MAN1C1: variants seen among roughly 807,000 people sequenced by gnomAD.
MAN1C1 encodes the protein mannosidase alpha class 1C member 1.
A neutral mutation model predicts 71.5 loss-of-function variants in MAN1C1; 49 were observed. That is an observed-to-expected ratio of 0.69 (90% CI 0.54 to 0.87). MAN1C1 has a LOEUF of 0.87. MAN1C1 is among the 40% of genes least tolerant of loss of function. MAN1C1 has a pLI of 0.00. For missense variants in MAN1C1, 743 were observed against 835.0 expected, an observed-to-expected ratio of 0.89 and a Z score of 1.36; for synonymous variants, 352 against 343.7, an observed-to-expected ratio of 1.02 and a Z score of -0.27.
chr1:25,643,429 T>A (rs2045565285), intron 1 of MAN1C1, among the ~76,000 whole-genome samples: 1 of 143,714 alleles, frequency 7.0e-6, no homozygotes. Context: ...TAATTTTTTT[T>A]TTTTTTTTTT....
chr1:25,758,801 T>G lies in MAN1C1; in HGVS notation c.1047+92T>G, dbSNP rs900035244. ...TCAGAGGCGAGTGGGTCCTCCCTCATGGATCAGCAGGAGGGCAGTGGGGAG... is the reference window on the plus strand; with the variant it reads ...TCAGAGGCGAGTGGGTCCTCCCTCAGGGATCAGCAGGAGGGCAGTGGGGAG... On this transcript the variant is annotated intron_variant, in intron 6 of 11. Transcript: ENST00000374332. 3.5e-6 allele frequency: 4 copies of G among 1,150,028 alleles called. No homozygotes were observed. The Admixed American group carries it at 6.8e-5, about 19-fold the overall frequency. The allele number at this position is 1,150,028 out of a possible 1,614,324, so 71.2% of individuals were successfully genotyped here.
chr1:25,641,749 A>C (rs978444752), intron 1 of MAN1C1, among the ~76,000 whole-genome samples: 2 of 152,202 alleles, frequency 1.3e-5, no homozygotes, highest in Admixed American at 1.3e-4. Flanking sequence ...AAGAGGTTGG[A>C]AATTTTCTGT....
chr1:25,758,724 C>G lies in MAN1C1; in HGVS notation c.1047+15C>G. On this transcript the variant is annotated intron_variant, in intron 6 of 11. Transcript: ENST00000374332. ...TCGCTGAAAAGGCAAGTCTCCTCCC[C>G]ACCCTTCTTCCTGCGGAGCAGAGGG... 6.2e-7 allele frequency: 1 copy of G among 1,601,686 alleles called. No homozygotes were observed.
intron 1 of MAN1C1, among the ~76,000 whole-genome samples, chr1:25,672,300 G>A (rs1369853010): frequency 1.3e-5 from 2 of 152,294 alleles, no homozygotes; most frequent in South Asian, 2.1e-4. Flanking sequence ...GGGCGAGGGC[G>A]GGCCTTCCTA....
chr1:25,772,071 C>T (rs759195414), intron 8 of MAN1C1: 7 of 347,052 alleles, frequency 2.0e-5, no homozygotes, highest in African/African-American at 6.4e-5. Flanking sequence ...ATTCAGAAAC[C>T]ACCACCTGCT....
At position 25,617,956 on chromosome 1, in the gene MAN1C1, C is replaced by A; in HGVS notation, c.159C>A (p.Phe53Leu). Reference sequence around the variant, plus strand: ...ACTCCTCTCGCCTCAAGCGCCTCTTCCTGGCCCCCCGGACCCAGCAGCCTG... The same window carrying A: ...ACTCCTCTCGCCTCAAGCGCCTCTTACTGGCCCCCCGGACCCAGCAGCCTG... The part of the protein sequence containing the change: ...LPHSSRLKRL[F>L]LAPRTQQPGL... The change falls in exon 1 of 12, where the codon TTC becomes TTA. Residue 53 changes from phenylalanine (F) to leucine (L), a missense_variant. Phe to Leu is a conservative substitution (Grantham distance 22). Coordinates refer to ENST00000374332, the MANE Select transcript of MAN1C1 (RefSeq NM_020379.4). This position sits in a 1 kb window ranked among gnomAD's most constrained non-coding sequence, Gnocchi z 5.1. 1 of 1,608,858 alleles carries A rather than the reference C, an allele frequency of 6.2e-7. No individual in the cohort carries two copies. The highest frequency in any genetic ancestry group is 1.7e-5 in the Admixed American group (1 of 59,700).
At position 25,617,741 on chromosome 1, in the gene MAN1C1, C is replaced by T; in HGVS notation, c.-57C>T. 7 of 1,486,860 alleles carry T rather than the reference C, an allele frequency of 4.7e-6. No individual in the cohort carries two copies. The highest frequency in any genetic ancestry group is 1.5e-5 in the African/African-American group (1 of 68,432). 92.1% of individuals were successfully genotyped at this position (1,486,860 alleles called of 1,614,324 possible). ...CTCCGGACGCCCTCCCCTCACCGCG[C>T]CCCCGCAGACACGTGCCTGGACTCC... On this transcript the variant is annotated 5_prime_UTR_variant, in exon 1 of 12. Coordinates refer to ENST00000374332, the MANE Select transcript of MAN1C1 (RefSeq NM_020379.4). This position sits in a 1 kb window ranked among gnomAD's most constrained non-coding sequence, Gnocchi z 5.1.
intron 2 of MAN1C1, among the ~76,000 whole-genome samples, chr1:25,692,906 C>G (rs1420693115): frequency 6.6e-6 from 1 of 152,156 alleles, no homozygotes; most frequent in African/African-American, 2.4e-5. Context: ...ACTCAGATTT[C>G]CCTCTTTTCT....
At chr1:25,643,421 ATT>A (rs11326338) in intron 1 of MAN1C1, among the ~76,000 whole-genome samples, 8,405 of 115,372 alleles carry the variant, frequency 0.073, 667 homozygotes, top group East Asian at 0.2. Context: ...CGCCTGGCTA[ATT>A]TTTTTTTTTT....
In MAN1C1 at chr1:25,777,778, A is replaced by G. The variant is rs997476349; in HGVS notation, c.1258-327A>G. On this transcript the variant is annotated intron_variant, in intron 8 of 11. Coordinates refer to ENST00000374332, the MANE Select transcript of MAN1C1 (RefSeq NM_020379.4). Reference sequence around the variant, plus strand: ...CAGGCCAGCTGGGCTTCTGGTTAAGATCAAACAGAGGACATAATGGAGGAG... The same window carrying G: ...CAGGCCAGCTGGGCTTCTGGTTAAGGTCAAACAGAGGACATAATGGAGGAG... The G allele has an allele frequency of 2.5e-5, 6 of 241,234 alleles. No homozygotes were observed. The South Asian group carries it at 7.7e-4, about 31-fold the overall frequency. The allele number at this position is 241,234 out of a possible 1,614,324, so 14.9% of individuals were successfully genotyped here.
intron 1 of MAN1C1, among the ~76,000 whole-genome samples, chr1:25,679,687 G>A (rs1201144971): frequency 1.3e-5 from 2 of 151,308 alleles, no homozygotes; most frequent in East Asian, 3.9e-4. Flanking sequence ...TTCTCTCTCT[G>A]TTTTTCACTC....
chr1:25,644,289 A>G (rs892046835), intron 1 of MAN1C1, among the ~76,000 whole-genome samples: 1 of 151,914 alleles, frequency 6.6e-6, no homozygotes, highest in Admixed American at 6.6e-5. Context: ...GTGCATGTGG[A>G]TATAGGTGCA....
chr1:25,763,948 G>T lies in MAN1C1; in HGVS notation c.1122G>T (p.Val374=), dbSNP rs1478838751. ...FGLYPNFLSP[V]SGNWVQHHVS... The stretch of plus-strand genomic sequence containing the variant: ...TCTACCCCAACTTCCTCAGCCCAGT[G>T]AGTGGGAACTGGGTGCAACGTGAGT... Residue 374 remains valine (V), a synonymous_variant, in exon 7 of 12, where the codon GTG becomes GTT. Coordinates refer to ENST00000374332, the MANE Select transcript of MAN1C1 (RefSeq NM_020379.4). 5.0e-6 allele frequency: 8 copies of T among 1,613,710 alleles called. No homozygotes were observed. Among genetic ancestry groups the T allele is most frequent in the Non-Finnish European group, 6.8e-6 (8 of 1,179,896 alleles).
rs148336289 is a variant in MAN1C1, at chr1:25,779,813, C to G, written c.1478-1127C>G. The stretch of plus-strand genomic sequence containing the variant: ...ATGGAAGAGCAGGAAGTCCTGCAAA[C>G]CTCTAACCCCTGCCTCTAAAGTAAA... On this transcript the variant is annotated intron_variant, in intron 9 of 11. Coordinates refer to ENST00000374332, the MANE Select transcript of MAN1C1 (RefSeq NM_020379.4). The surrounding 1 kb of genome is among the most constrained non-coding windows in gnomAD (Gnocchi z 4.6). Among the ~76,000 whole-genome samples the G allele has an allele frequency of 6.6e-6, 1 of 152,192 alleles. No homozygotes were observed. The highest frequency in any genetic ancestry group is 1.9e-4 in the East Asian group (1 of 5,186).
rs2047714867 is a variant in MAN1C1, at chr1:25,782,802, G to A, written c.1766+102G>A. On this transcript the variant is annotated intron_variant, in intron 11 of 11. Coordinates refer to ENST00000374332, the MANE Select transcript of MAN1C1 (RefSeq NM_020379.4). This position sits in a 1 kb window ranked among gnomAD's most constrained non-coding sequence, Gnocchi z 4.4. Reference sequence around the variant, plus strand: ...AGTCAGGTTCTGTGGTCACAGGACGGGAGCCCAAAAGGGGTGAAGGGCTTG... The same window carrying A: ...AGTCAGGTTCTGTGGTCACAGGACGAGAGCCCAAAAGGGGTGAAGGGCTTG... 2 of 905,520 alleles carry A rather than the reference G, an allele frequency of 2.2e-6. No individual in the cohort carries two copies. Among genetic ancestry groups the A allele is most frequent in the Non-Finnish European group, 1.8e-6 (1 of 566,574 alleles). The allele number at this position is 905,520 out of a possible 1,614,324, so 56.1% of individuals were successfully genotyped here.
At chr1:25,728,387 C>G (rs2046863458) in intron 2 of MAN1C1, among the ~76,000 whole-genome samples, 1 of 152,176 alleles carries the variant, frequency 6.6e-6, no homozygotes, top group Non-Finnish European at 1.5e-5. Flanking sequence ...GTATTAGGCA[C>G]TCACAACAAT....
intron 2 of MAN1C1, among the ~76,000 whole-genome samples, chr1:25,708,502 C>G (rs868483121): frequency 1.3e-5 from 2 of 152,294 alleles, no homozygotes; most frequent in East Asian, 1.9e-4. Context: ...CAGCTACCCC[C>G]GCCCATCTCA....
intron 8 of MAN1C1, among the ~76,000 whole-genome samples, chr1:25,774,278 AAAG>A (rs1001978602): frequency 6.6e-5 from 10 of 152,330 alleles, no homozygotes; most frequent in East Asian, 1.9e-4. Flanking sequence ...GGCAGGAGAC[AAAG>A]AAGAAGAACA....
At chr1:25,626,107 G>A (rs1219068888) in intron 1 of MAN1C1, among the ~76,000 whole-genome samples, 3 of 152,154 alleles carry the variant, frequency 2.0e-5, no homozygotes, top group Non-Finnish European at 2.9e-5. Context: ...TGTATAACTA[G>A]GGGTGGAATT....
Sources: allele counts gnomAD v4.1 joint callset (sites outside exome capture counted in the v4.1 genomes callset), GRCh38; gene constraint gnomAD v4.1.1; non-coding constraint Gnocchi (gnomAD v3.1); transcripts MANE v1.5; gene names NCBI Gene and HGNC (gene_info 2026-07-23, HGNC 2026-07-21).